STRA6: variants seen among roughly 807,000 people sequenced by gnomAD.
STRA6 encodes the protein signaling receptor and transporter of retinol STRA6, also known as receptor for retinol uptake STRA6.
STRA6 carries 48 observed loss-of-function variants against 83.6 expected under a neutral mutation model. The ratio of observed to expected loss-of-function variants is 0.57; its 90% CI spans 0.46 to 0.73. The LOEUF is 0.73. Among genes scored for constraint, STRA6 ranks in the 30% least tolerant of loss-of-function variants. The pLI is 0.00. For missense variants in STRA6, 760 were observed against 838.8 expected (o/e 0.91, Z 1.16); for synonymous variants, 353 against 362.3 (o/e 0.97, Z 0.29).
At chr15:74,180,293 C>G in intron 18 of STRA6, 50 bp from the exon 19 acceptor site, 1 of 1,610,452 alleles carries the variant, frequency 6.2e-7, no homozygotes, top group Non-Finnish European at 8.5e-7. Context: ...CCCAGCCAAC[C>G]CTCCCTGGCC....
chr15:74,197,588 A>T lies in STRA6; in HGVS notation c.180+164T>A. On this transcript the variant is annotated intron_variant, in intron 3 of 18. Transcript: ENST00000395105. ...GGGTGACAGACATCTGGAAGGTTGG[A>T]CTTGCATCCTGGTTTGGGCCTCCAA... 3 of 1,127,930 alleles carry T rather than the reference A, an allele frequency of 2.7e-6. No individual in the cohort carries two copies. In the South Asian group the frequency reaches 4.0e-5, roughly 15 times the overall value. The allele number at this position is 1,127,930 out of a possible 1,614,324, so 69.9% of individuals were successfully genotyped here.
chr15:74,188,946 C>A lies in STRA6; in HGVS notation c.1090+169G>T, dbSNP rs1340395825. On this transcript the variant is annotated intron_variant, in intron 12 of 18. Transcript: ENST00000395105. The surrounding 1 kb of genome is among the most constrained non-coding windows in gnomAD (Gnocchi z 4.5). ...CTTCAGGTTTCATGGAAGCTCAGAACTGGAAGCGCCAACTGCCACAATTTG... is the reference window on the plus strand; with the variant it reads ...CTTCAGGTTTCATGGAAGCTCAGAAATGGAAGCGCCAACTGCCACAATTTG... 6.6e-6 allele frequency among the ~76,000 whole-genome samples: 1 copy of A among 152,190 alleles called. No homozygotes were observed. The highest frequency in any genetic ancestry group is 1.9e-4 in the East Asian group (1 of 5,192).
chr15:74,184,167 T>TACCCAA (rs2073129291), intron 13 of STRA6, among the ~76,000 whole-genome samples, 178 bp from the exon 14 acceptor site: 2 of 151,950 alleles, frequency 1.3e-5, no homozygotes, highest in Non-Finnish European at 2.9e-5. Flanking sequence ...CTGGAAGAGG[T>TACCCAA]GATATCTGGG....
chr15:74,198,465 CCAGGGAG>C (rs2073921352), intron 2 of STRA6, among the ~76,000 whole-genome samples: 1 of 152,176 alleles, frequency 6.6e-6, no homozygotes, highest in South Asian at 2.1e-4. Flanking sequence ...CCTCCCCTCT[CCAGGGAG>C]CCCCTCTGAC....
At position 74,188,407 on chromosome 15, in the gene STRA6, C is replaced by T. The variant is rs2073365386; in HGVS notation, c.1090+708G>A. 6.6e-6 allele frequency among the ~76,000 whole-genome samples: 1 copy of T among 152,224 alleles called. No homozygotes were observed. Among genetic ancestry groups the T allele is most frequent in the Non-Finnish European group, 1.5e-5 (1 of 68,042 alleles). On this transcript the variant is annotated intron_variant, in intron 12 of 18. Transcript: ENST00000395105. This position sits in a 1 kb window ranked among gnomAD's most constrained non-coding sequence, Gnocchi z 4.5. ...CTGAGTCCTCAGCACCGGGCTTTGT[C>T]CCAAGGTGATGGAGAAGGCCCCCGC...
rs1276470795 is a variant in STRA6, at chr15:74,193,863, C to T, written c.657G>A (p.Leu219=). ...SLPLLLGLGF[L]SLWYPVQLVR... ...CCAGCTGCACAGGGTACCAAAGGCT[C>T]AGGAATCCGAGGCCCAGCAGGAGAG... is the stretch of plus-strand genomic sequence containing the variant. The change falls in exon 8 of 19, where the codon CTG becomes CTA. Residue 219 remains leucine (L), a synonymous_variant. Coordinates refer to ENST00000395105, the MANE Select transcript of STRA6 (RefSeq NM_022369.4). The T allele has an allele frequency of 6.2e-7, 1 of 1,613,878 alleles. No individual in the cohort carries two copies. The highest frequency in any genetic ancestry group is 8.5e-7 in the Non-Finnish European group (1 of 1,179,928).
intron 6 of STRA6, 24 bp downstream of exon 6, chr15:74,195,628 A>G: frequency 6.5e-7 from 1 of 1,544,004 alleles, no homozygotes; most frequent in Non-Finnish European, 8.8e-7. Context: ...ACTAGTCTCA[A>G]CTCTGTGATC....
In STRA6 at chr15:74,188,978, A is replaced by C. The variant is rs543304554; in HGVS notation, c.1090+137T>G. 59 of 1,049,552 alleles carry C rather than the reference A, an allele frequency of 5.6e-5. No homozygotes were observed. The South Asian group carries it at 8.1e-4, about 14-fold the overall frequency. 65.0% of individuals were successfully genotyped at this position (1,049,552 alleles called of 1,614,324 possible). ...CGCCAACTGCCACAATTTGGAGATG[A>C]GGCAATCGAGACCCAGAGAGAGGAA... On this transcript the variant is annotated intron_variant, in intron 12 of 18. Transcript: ENST00000395105. This position sits in a 1 kb window ranked among gnomAD's most constrained non-coding sequence, Gnocchi z 4.5.
chr15:74,202,869 G>A (rs982460017), upstream of STRA6: 3 of 1,022,998 alleles, frequency 2.9e-6, no homozygotes, highest in Non-Finnish European at 3.5e-6. Flanking sequence ...GGGCCTCGGT[G>A]ATGGAAATAC....
chr15:74,194,555 G>A (rs2073718768), intron 7 of STRA6: 1 of 440,134 alleles, frequency 2.3e-6, no homozygotes, highest in Non-Finnish European at 3.5e-6. Context: ...GTCTCAGAAA[G>A]GTGGCACTGT....
chr15:74,195,373 C>G lies in STRA6; in HGVS notation c.526G>C (p.Gly176Arg). The G allele has an allele frequency of 6.2e-7, 1 of 1,613,502 alleles. No individual in the cohort carries two copies. The highest frequency in any genetic ancestry group is 8.5e-7 in the Non-Finnish European group (1 of 1,180,000). ...TAGHTAAHLL[G>R]STLSWAHLGV... ...AGGTGGGCCCAGGACAGCGTGCTGC[C>G]GAGCAGGTGTGCAGCTGTGTGGCCA... The change falls in exon 7 of 19, where the codon GGC becomes CGC. Residue 176 changes from glycine (G) to arginine (R), a missense_variant. Gly to Arg is a moderately radical substitution (Grantham distance 125). Transcript: ENST00000395105.
upstream of STRA6, chr15:74,202,826 C>T (rs763407983): frequency 2.8e-6 from 3 of 1,084,092 alleles, no homozygotes; most frequent in Non-Finnish European, 3.4e-6. Flanking sequence ...GAGCCCCTCC[C>T]CCAGCCTCAG....
intron 4 of STRA6, 56 bp from the exon 5 acceptor site, chr15:74,196,203 T>TA (rs2073814654): frequency 5.0e-6 from 8 of 1,604,976 alleles, no homozygotes; most frequent in Non-Finnish European, 6.8e-6. Flanking sequence ...TGCACCCCCA[T>TA]TACCTCCCAG....
chr15:74,203,060 C>A, upstream of STRA6: 2 of 985,696 alleles, frequency 2.0e-6, no homozygotes, highest in Non-Finnish European at 2.4e-6. Context: ...TCTGCAGTGC[C>A]GCACACAGAC....
At chr15:74,203,317 G>T, upstream of STRA6, 2 of 527,238 alleles carry the variant, frequency 3.8e-6, no homozygotes, top group Non-Finnish European at 4.9e-6. Flanking sequence ...GAGGAGCCCC[G>T]CCTGCCTCCT....
At chr15:74,184,923 C>G in intron 13 of STRA6, 57 bp downstream of exon 13, 1 of 1,569,634 alleles carries the variant, frequency 6.4e-7, no homozygotes, top group Non-Finnish European at 8.7e-7. Context: ...CGCAGGCCCA[C>G]AGGACTCCCA....
intron 11 of STRA6, among the ~76,000 whole-genome samples, chr15:74,190,396 T>C (rs990297659): frequency 6.6e-6 from 1 of 151,684 alleles, no homozygotes; most frequent in Non-Finnish European, 1.5e-5. Context: ...TCTCCCAGGA[T>C]TTTAATTGTT....
intron 4 of STRA6, among the ~76,000 whole-genome samples, chr15:74,196,547 C>T (rs999711775): frequency 4.6e-5 from 7 of 152,214 alleles, no homozygotes; most frequent in East Asian, 1.9e-4. Context: ...GGGCAGACAG[C>T]GGGCATAGCT....
chr15:74,203,241 A>G (rs890010562), upstream of STRA6: 4 of 982,560 alleles, frequency 4.1e-6, no homozygotes, highest in African/African-American at 5.2e-5. Flanking sequence ...TTTCACAAGG[A>G]GATAACTCAC....
Sources: gnomAD v4.1 joint callset for allele counts (sites outside exome capture counted in the v4.1 genomes callset) on GRCh38, gnomAD v4.1.1 for gene constraint, Gnocchi (gnomAD v3.1) non-coding constraint, MANE v1.5 for transcripts, NCBI Gene and HGNC (gene_info 2026-07-23, HGNC 2026-07-21) for gene names.